PALM2AKAP2: variants seen among roughly 807,000 people sequenced by gnomAD.
PALM2AKAP2 encodes PALM2-AKAP2 fusion protein.
PALM2AKAP2 carries 37 observed loss-of-function variants against 71.5 expected under a neutral mutation model. The ratio of observed to expected loss-of-function variants is 0.52; its 90% CI spans 0.40 to 0.68. The LOEUF (loss-of-function observed/expected upper bound fraction) is 0.68, where lower values mean the gene tolerates loss of function less well. Ranked by LOEUF, PALM2AKAP2 falls within the 30% of genes least tolerant of loss-of-function variation. PALM2AKAP2 has a pLI of 0.00. For missense variants in PALM2AKAP2, 1,224 were observed against 1,191.8 expected, an observed-to-expected ratio of 1.03 and a Z score of -0.40; for synonymous variants, 468 against 478.8, an observed-to-expected ratio of 0.98 and a Z score of 0.29.
chr9:110,143,249 TAAA>T (rs75810628), intron 2 of PALM2AKAP2, among the ~76,000 whole-genome samples: 6 of 126,922 alleles, frequency 4.7e-5, no homozygotes, highest in African/African-American at 2.9e-5. Flanking sequence ...CCCCATCTCT[TAAA>T]AAAAAAAAAA....
At chr9:109,820,836 T>C (rs1371136355) in intron 1 of PALM2AKAP2, among the ~76,000 whole-genome samples, 6 of 152,136 alleles carry the variant, frequency 3.9e-5, no homozygotes, top group Non-Finnish European at 5.9e-5. Context: ...CATATACCGG[T>C]GGCTTTGTAG....
chr9:110,032,542 T>G (rs1448086799), intron 7 of PALM2AKAP2, among the ~76,000 whole-genome samples: 2 of 151,624 alleles, frequency 1.3e-5, no homozygotes, highest in South Asian at 4.2e-4. Flanking sequence ...AATACAAAAA[T>G]TAGCTGGGCA....
At chr9:109,964,851 T>C (rs1831917371) in intron 6 of PALM2AKAP2, among the ~76,000 whole-genome samples, 1 of 152,204 alleles carries the variant, frequency 6.6e-6, no homozygotes, top group Admixed American at 6.5e-5. Flanking sequence ...AAGTCAAGGA[T>C]ATGTTCAGGA....
chr9:109,723,256 G>C (rs1166938720), intron 1 of PALM2AKAP2, among the ~76,000 whole-genome samples: 1 of 152,114 alleles, frequency 6.6e-6, no homozygotes, highest in Non-Finnish European at 1.5e-5. Context: ...TTCAGCCATG[G>C]AGATCTCCTC....
chr9:110,039,182 G>A (rs1351062429), intron 7 of PALM2AKAP2, among the ~76,000 whole-genome samples: 2 of 152,126 alleles, frequency 1.3e-5, no homozygotes, highest in East Asian at 3.9e-4. Context: ...CCAGGAAGTT[G>A]AGGCTGCAGT....
intron 2 of PALM2AKAP2, among the ~76,000 whole-genome samples, chr9:110,152,792 A>G (rs1836355401): frequency 6.6e-6 from 1 of 152,182 alleles, no homozygotes; most frequent in Non-Finnish European, 1.5e-5. Flanking sequence ...GTGATTCCTA[A>G]GATGGCACCC....
intron 6 of PALM2AKAP2, among the ~76,000 whole-genome samples, chr9:109,994,160 G>A (rs1588048917): frequency 1.3e-5 from 2 of 152,178 alleles, no homozygotes; most frequent in Admixed American, 1.3e-4. Context: ...TATTCACATC[G>A]TATATCAAAT....
At chr9:110,122,579 A>G (rs925467340) in intron 1 of PALM2AKAP2, among the ~76,000 whole-genome samples, 10 of 152,222 alleles carry the variant, frequency 6.6e-5, no homozygotes, top group African/African-American at 2.4e-4. Flanking sequence ...AATAGAAGGT[A>G]TAGAAGGGTA....
At chr9:109,927,303 A>T (rs888389634) in intron 5 of PALM2AKAP2, among the ~76,000 whole-genome samples, 1 of 152,174 alleles carries the variant, frequency 6.6e-6, no homozygotes, top group Admixed American at 6.5e-5. Flanking sequence ...GGACTTTGGG[A>T]TGTCTCTTTA....
At chr9:110,104,579 A>C (rs572451592) in intron 1 of PALM2AKAP2, among the ~76,000 whole-genome samples, 1 of 152,322 alleles carries the variant, frequency 6.6e-6, no homozygotes, top group African/African-American at 2.4e-5. Context: ...TCAGACCTGA[A>C]TATTTGGGAT....
At chr9:109,759,663 T>C (rs1829020637) in intron 1 of PALM2AKAP2, among the ~76,000 whole-genome samples, 2 of 152,148 alleles carry the variant, frequency 1.3e-5, no homozygotes, top group Non-Finnish European at 2.9e-5. Flanking sequence ...AAATGCGTCC[T>C]CCTCCATGAA....
intron 7 of PALM2AKAP2, among the ~76,000 whole-genome samples, chr9:110,018,090 A>G (rs2132352650): frequency 1.3e-5 from 2 of 152,292 alleles, no homozygotes; most frequent in East Asian, 3.9e-4. Flanking sequence ...TTGCTACTTA[A>G]CCAGGCTACT....
chr9:109,682,486 C>T (rs1317422773), intron 1 of PALM2AKAP2, among the ~76,000 whole-genome samples: 1 of 152,140 alleles, frequency 6.6e-6, no homozygotes, highest in Non-Finnish European at 1.5e-5. Flanking sequence ...AAAGGGCTTA[C>T]AGGCTCTCTC....
At chr9:109,691,311 C>T (rs1037014843) in intron 1 of PALM2AKAP2, among the ~76,000 whole-genome samples, 1 of 151,946 alleles carries the variant, frequency 6.6e-6, no homozygotes, top group Non-Finnish European at 1.5e-5. Context: ...TAGAAAATTT[C>T]CTTCCTGTCT....
intron 2 of PALM2AKAP2, among the ~76,000 whole-genome samples, chr9:110,148,294 A>G (rs1033929446): frequency 6.6e-6 from 1 of 152,200 alleles, no homozygotes; most frequent in Non-Finnish European, 1.5e-5. Context: ...TATAAACCCA[A>G]TATCAGCAAC....
At chr9:109,901,858 C>T (rs926450969) in intron 3 of PALM2AKAP2, among the ~76,000 whole-genome samples, 2 of 152,204 alleles carry the variant, frequency 1.3e-5, no homozygotes, top group African/African-American at 4.8e-5. Context: ...TAAAACAAGT[C>T]ATTCAAAAAT....
chr9:109,737,876 G>A (rs1217923302), intron 1 of PALM2AKAP2, among the ~76,000 whole-genome samples: 23 of 152,192 alleles, frequency 1.5e-4, no homozygotes, highest in Admixed American at 1.5e-3. Context: ...TATTCCAACT[G>A]TGTTTTCTCA....
At chr9:109,938,382 G>A (rs187233878) in intron 6 of PALM2AKAP2, among the ~76,000 whole-genome samples, 48 of 152,252 alleles carry the variant, frequency 3.2e-4, no homozygotes, top group Non-Finnish European at 5.1e-4. Context: ...AGGAAAGAGT[G>A]AATGCAGAAA....
chr9:109,929,269 CTTA>C (rs999511561), intron 5 of PALM2AKAP2, among the ~76,000 whole-genome samples: 2 of 151,100 alleles, frequency 1.3e-5, no homozygotes, highest in African/African-American at 2.4e-5. Flanking sequence ...CAGCCTCCAT[CTTA>C]TTTGAATGCA....
Sources: gnomAD v4.1 joint callset for allele counts (sites outside exome capture counted in the v4.1 genomes callset) on GRCh38, gnomAD v4.1.1 for gene constraint, MANE v1.5 for transcripts, NCBI Gene and HGNC (gene_info 2026-07-23, HGNC 2026-07-21) for gene names.